The following HEPHL1 variants were observed in gnomAD, a reference collection of about 807,000 sequenced individuals.
HEPHL1 encodes ferroxidase HEPHL1.
In HEPHL1, 123 loss-of-function variants were observed where a neutral mutation model predicts 122.0. That is an observed-to-expected ratio of 1.01 (90% CI 0.87 to 1.17). The LOEUF (loss-of-function observed/expected upper bound fraction) is 1.17, where lower values mean the gene tolerates loss of function less well. Ranked by LOEUF, HEPHL1 falls within the 50% of genes most tolerant of loss-of-function variation. The pLI, the probability that HEPHL1 is intolerant of heterozygous loss-of-function variation, is 0.00. For missense variants in HEPHL1, 1,452 were observed against 1,430.5 expected (o/e 1.01, Z -0.24); for synonymous variants, 527 against 508.9 (o/e 1.04, Z -0.48).
At chr11:94,101,966 C>T (rs1046133932) in intron 14 of HEPHL1, among the ~76,000 whole-genome samples, 1 of 152,176 alleles carries the variant, frequency 6.6e-6, no homozygotes, top group Non-Finnish European at 1.5e-5. Context: ...TCTACATTCA[C>T]ATAGCTTTTA....
intron 14 of HEPHL1, among the ~76,000 whole-genome samples, chr11:94,101,658 A>C (rs962188905): frequency 6.6e-6 from 1 of 152,142 alleles, no homozygotes; most frequent in African/African-American, 2.4e-5. Flanking sequence ...TGGTGTGTAT[A>C]CTCTAAGGGT....
intron 2 of HEPHL1, chr11:94,056,074 G>T (rs953573447): frequency 7.9e-6 from 3 of 380,360 alleles, no homozygotes; most frequent in African/African-American, 6.4e-5. Context: ...TGTTAGATAT[G>T]AATACATTTA....
chr11:94,108,770 T>C (rs2134455623), intron 17 of HEPHL1, among the ~76,000 whole-genome samples: 1 of 152,226 alleles, frequency 6.6e-6, no homozygotes, highest in Non-Finnish European at 1.5e-5. Context: ...CTGCCCTTTC[T>C]TGAATGCCAC....
intron 10 of HEPHL1, 98 bp downstream of exon 10, chr11:94,082,666 G>C: frequency 4.2e-6 from 5 of 1,182,012 alleles, no homozygotes; most frequent in Non-Finnish European, 5.9e-6. Context: ...TTGGTTTCTT[G>C]GATATTGTTC....
At chr11:94,111,102 C>G in intron 18 of HEPHL1, 37 bp downstream of exon 18, 1 of 1,525,534 alleles carries the variant, frequency 6.6e-7, no homozygotes, top group Middle Eastern at 1.7e-4. Context: ...ATGATGGCAC[C>G]GAGCTTCCTG....
In HEPHL1 at chr11:94,085,049, C is replaced by T. The variant is rs138259654; in HGVS notation, c.1868-928C>T. On this transcript the variant is annotated intron_variant, in intron 10 of 19. Coordinates refer to ENST00000315765, the MANE Select transcript of HEPHL1 (RefSeq NM_001098672.2). ...TCACTCATGTGCATGATAATAGTTCCTTCCTGCTATAGGCTTAGTAGAGAG... is the reference window on the plus strand; with the variant it reads ...TCACTCATGTGCATGATAATAGTTCTTTCCTGCTATAGGCTTAGTAGAGAG... 5.8e-3 allele frequency among the ~76,000 whole-genome samples: 889 copies of T among 152,288 alleles called. 10 individuals carry two copies. Among genetic ancestry groups the T allele is most frequent in the African/African-American group, 0.021 (858 of 41,556 alleles).
At chr11:94,027,452 G>T (rs952672498) in intron 1 of HEPHL1, among the ~76,000 whole-genome samples, 4 of 152,208 alleles carry the variant, frequency 2.6e-5, no homozygotes, top group Non-Finnish European at 5.9e-5. Flanking sequence ...GAGAGCAGGA[G>T]CCCTGGGGGA....
At chr11:94,054,943 G>C (rs1276320265) in intron 2 of HEPHL1, 1 of 152,402 alleles carries the variant, frequency 6.6e-6, no homozygotes, top group Non-Finnish European at 1.5e-5. Context: ...TGATTTCTCA[G>C]GTAGGAGCAG....
intron 12 of HEPHL1, 90 bp downstream of exon 12, chr11:94,089,058 G>C: frequency 8.4e-7 from 1 of 1,183,794 alleles, no homozygotes; most frequent in Non-Finnish European, 1.3e-6. Flanking sequence ...AAATTCCCAG[G>C]TTGTGTCTCC....
Position 94,111,792 on chromosome 11 carries a change from T to C in HEPHL1, c.3378T>C (p.Leu1126=), listed in dbSNP as rs1166344230. 1.3e-6 allele frequency: 2 copies of C among 1,584,810 alleles called. No homozygotes were observed. The highest frequency in any genetic ancestry group is 8.6e-7 in the Non-Finnish European group (1 of 1,167,204). ...TCCTTTTCATCATTGGACTCCTCCT[T>C]CTAATCACCACGGTGATTCTCTCCC... ...LVILFIIGLL[L]LITTVILSLR... Residue 1126 remains leucine (L), a synonymous_variant, in exon 20 of 20, where the codon CTT becomes CTC. Transcript: ENST00000315765.
At chr11:94,053,110 A>G (rs1001204668) in intron 2 of HEPHL1, among the ~76,000 whole-genome samples, 6 of 152,072 alleles carry the variant, frequency 3.9e-5, no homozygotes, top group Non-Finnish European at 5.9e-5. Context: ...ATTTACTTTC[A>G]GGGAGGATCT....
chr11:94,031,514 C>T (rs973161444), intron 1 of HEPHL1, among the ~76,000 whole-genome samples: 1 of 152,206 alleles, frequency 6.6e-6, no homozygotes. Context: ...ATTTACCCAG[C>T]TGCCAGTTGA....
At chr11:94,042,893 A>ACAAACAAAAAAAAAC (rs1945799448) in intron 1 of HEPHL1, among the ~76,000 whole-genome samples, 2 of 149,562 alleles carry the variant, frequency 1.3e-5, no homozygotes, top group African/African-American at 4.9e-5. Flanking sequence ...AAAAAAAAAA[A>ACAAACAAAAAAAAAC]CTGCATGAAT....
rs1945830089 is a variant in HEPHL1 at position 94,045,815 on chromosome 11, A to C, written c.313A>C (p.Arg105=). The C allele has an allele frequency of 1.9e-6, 3 of 1,613,936 alleles. No homozygotes were observed. Among genetic ancestry groups the C allele is most frequent in the Non-Finnish European group, 8.5e-7 (1 of 1,179,858 alleles). ...PWLGFLGPIL[R]AEVGDVIVIH... The stretch of plus-strand genomic sequence containing the variant: ...GCTTGGATTCCTGGGCCCCATCTTG[A>C]GGGCCGAAGTGGGTGATGTGATTGT... The change falls in exon 2 of 20, where the codon AGG becomes CGG. Residue 105 remains arginine, a synonymous_variant. Coordinates refer to ENST00000315765, the MANE Select transcript of HEPHL1 (RefSeq NM_001098672.2).
intron 13 of HEPHL1, among the ~76,000 whole-genome samples, chr11:94,094,700 A>G (rs1306878752): frequency 6.6e-6 from 1 of 152,164 alleles, no homozygotes; most frequent in Non-Finnish European, 1.5e-5. Flanking sequence ...TGTAACTGGT[A>G]TGAGATGGTA....
chr11:94,062,981 C>T (rs766237566), intron 2 of HEPHL1, among the ~76,000 whole-genome samples: 4 of 152,120 alleles, frequency 2.6e-5, no homozygotes, highest in African/African-American at 9.7e-5. Context: ...CTCCAGTTGT[C>T]CCATGTGTTT....
At chr11:94,102,871 C>A in intron 14 of HEPHL1, 43 bp from the exon 15 acceptor site, 1 of 968,996 alleles carries the variant, frequency 1.0e-6, no homozygotes, top group Non-Finnish European at 1.7e-6. Flanking sequence ...TCATCTGAAA[C>A]ACAGATAATT....
intron 11 of HEPHL1, among the ~76,000 whole-genome samples, chr11:94,086,750 C>T (rs372666734): frequency 1.4e-4 from 22 of 152,308 alleles, no homozygotes; most frequent in African/African-American, 4.8e-4. Flanking sequence ...TGTATAATGC[C>T]AGTACCTGGA....
chr11:94,049,639 T>C (rs1266049947), intron 2 of HEPHL1, among the ~76,000 whole-genome samples: 1 of 142,216 alleles, frequency 7.0e-6, no homozygotes, highest in East Asian at 2.1e-4. Context: ...AAAAAATCAA[T>C]GACCATAAGT....
Sources: allele counts gnomAD v4.1 joint callset (sites outside exome capture counted in the v4.1 genomes callset), GRCh38; gene constraint gnomAD v4.1.1; transcripts MANE v1.5; gene names NCBI Gene and HGNC (gene_info 2026-07-23, HGNC 2026-07-21).